SND1: variants seen among roughly 807,000 people sequenced by gnomAD.
The protein encoded by SND1 is staphylococcal nuclease and tudor domain containing 1.
A neutral mutation model predicts 121.7 loss-of-function variants in SND1; 38 were observed. The ratio of observed to expected loss-of-function variants is 0.31; its 90% CI spans 0.24 to 0.41. The LOEUF (loss-of-function observed/expected upper bound fraction) is 0.41. Ranked by LOEUF, SND1 falls within the 10% of genes least tolerant of loss-of-function variation. SND1 has a pLI of 1.00. For synonymous variants in SND1, 401 were observed against 447.4 expected (o/e 0.90, Z 1.31); for missense variants, 868 against 1,184.6 (o/e 0.73, Z 3.92).
intron 12 of SND1, among the ~76,000 whole-genome samples, chr7:127,872,634 A>G (rs1455019547): frequency 9.6e-4 from 103 of 107,736 alleles, no homozygotes; most frequent in East Asian, 3.8e-3. Context: ...ACACGCACAC[A>G]CACACACACA....
intron 10 of SND1, among the ~76,000 whole-genome samples, chr7:127,730,877 T>C (rs1328788707): frequency 2.6e-5 from 4 of 152,266 alleles, no homozygotes; most frequent in African/African-American, 9.6e-5. Context: ...ATTCTACCAC[T>C]CTGCCTTTCC....
At chr7:127,864,370 C>T (rs1799430896) in intron 12 of SND1, among the ~76,000 whole-genome samples, 1 of 152,008 alleles carries the variant, frequency 6.6e-6, no homozygotes, top group Non-Finnish European at 1.5e-5. Flanking sequence ...GGGGGTAGAA[C>T]AGTTCACCAC....
chr7:127,851,512 CAT>C (rs1799164643), intron 12 of SND1, among the ~76,000 whole-genome samples: 1 of 152,176 alleles, frequency 6.6e-6, no homozygotes, highest in Admixed American at 6.5e-5. Context: ...GCCAATCATG[CAT>C]ATTGACTTAT....
In SND1 at chr7:128,059,675, AGT is replaced by A. The variant is rs2117032408; in HGVS notation, c.1780-14824_1780-14823del. Among the ~76,000 whole-genome samples, 3 of 152,318 alleles carry A rather than the reference AGT, an allele frequency of 2.0e-5. No individual in the cohort carries two copies. In the South Asian group the frequency reaches 6.2e-4, roughly 32 times the overall value. On this transcript the variant is annotated intron_variant, in intron 16 of 23. Coordinates refer to ENST00000354725, the MANE Select transcript of SND1 (RefSeq NM_014390.4). ...CTGAACCACAAGCATCCTTCCTTGC[AGT>A]GTACATTGTACTGTGGTACAGGTTT... is the stretch of plus-strand genomic sequence containing the variant.
intron 14 of SND1, among the ~76,000 whole-genome samples, chr7:127,913,565 A>G (rs1380470204): frequency 6.6e-6 from 1 of 152,128 alleles, no homozygotes; most frequent in Non-Finnish European, 1.5e-5. Context: ...CTCTGGGTGT[A>G]TGTAGATAAC....
intron 16 of SND1, among the ~76,000 whole-genome samples, chr7:128,016,292 T>C (rs1803223231): frequency 6.6e-6 from 1 of 152,124 alleles, no homozygotes; most frequent in Admixed American, 6.5e-5. Context: ...AAACCTTTTT[T>C]TTCAATTGAG....
intron 11 of SND1, among the ~76,000 whole-genome samples, chr7:127,808,163 C>CTTTTT (rs11418632): frequency 8.0e-6 from 1 of 125,576 alleles, no homozygotes; most frequent in African/African-American, 3.0e-5. Flanking sequence ...TTGATGGCTT[C>CTTTTT]TTTTTTTTTT....
At chr7:127,932,890 T>A (rs1800982797) in intron 15 of SND1, among the ~76,000 whole-genome samples, 1 of 152,228 alleles carries the variant, frequency 6.6e-6, no homozygotes, top group Admixed American at 6.5e-5. Flanking sequence ...TGTGACTTGC[T>A]GTATTGCAAT....
intron 16 of SND1, among the ~76,000 whole-genome samples, chr7:128,038,494 A>T (rs548653709): frequency 3.3e-5 from 5 of 152,246 alleles, no homozygotes; most frequent in Non-Finnish European, 5.9e-5. Flanking sequence ...GCAAATAGTA[A>T]TGGTCGTAGC....
chr7:127,878,963 A>T (rs1188124142), intron 12 of SND1, among the ~76,000 whole-genome samples: 1 of 151,958 alleles, frequency 6.6e-6, no homozygotes, highest in African/African-American at 2.4e-5. Flanking sequence ...GGGGACAAAA[A>T]TATCGATGAT....
At chr7:128,041,507 T>G (rs1792854442) in intron 16 of SND1, among the ~76,000 whole-genome samples, 1 of 152,216 alleles carries the variant, frequency 6.6e-6, no homozygotes, top group Admixed American at 6.5e-5. Context: ...CTCCACGTTT[T>G]TAGAGGCAAC....
chr7:127,928,816 C>T (rs534383299), intron 14 of SND1, among the ~76,000 whole-genome samples: 1 of 152,188 alleles, frequency 6.6e-6, no homozygotes, highest in Admixed American at 6.5e-5. Flanking sequence ...GTTTCAAACC[C>T]CTGACCTCAG....
chr7:127,758,979 A>G (rs1797248423), intron 10 of SND1, among the ~76,000 whole-genome samples: 1 of 152,132 alleles, frequency 6.6e-6, no homozygotes, highest in Non-Finnish European at 1.5e-5. Flanking sequence ...GCTTGAGCCC[A>G]GAAGGTTGAG....
chr7:127,796,062 T>C (rs975720391), intron 10 of SND1, among the ~76,000 whole-genome samples: 2 of 151,986 alleles, frequency 1.3e-5, no homozygotes, highest in East Asian at 3.9e-4. Flanking sequence ...TTTCACCATG[T>C]TAGCCAGGAT....
At chr7:127,674,425 T>C (rs567443326) in intron 1 of SND1, among the ~76,000 whole-genome samples, 1 of 152,356 alleles carries the variant, frequency 6.6e-6, no homozygotes, top group African/African-American at 2.4e-5. Flanking sequence ...GTAACTCTCC[T>C]CTGAGAAACC....
intron 22 of SND1, among the ~76,000 whole-genome samples, chr7:128,091,227 T>TGTTTG (rs1370223456): frequency 6.6e-6 from 1 of 152,124 alleles, no homozygotes; most frequent in Non-Finnish European, 1.5e-5. Flanking sequence ...GTATTGCTCT[T>TGTTTG]GTTTGGTTTG....
intron 14 of SND1, among the ~76,000 whole-genome samples, chr7:127,907,074 AG>A (rs1800356016): frequency 6.6e-6 from 1 of 152,232 alleles, no homozygotes; most frequent in Non-Finnish European, 1.5e-5. Flanking sequence ...CATAAATAAA[AG>A]AGTAAAGCTT....
rs190934506 is a variant in SND1 at position 128,013,075 on chromosome 7, T to C, written c.1779+22019T>C. ...TTCCTCACACAGTCAGAGTCAGCGT[T>C]GGTCCCACACTGTCCAGTGCTACAT... is the stretch of plus-strand genomic sequence containing the variant. On this transcript the variant is annotated intron_variant, in intron 16 of 23. Coordinates refer to ENST00000354725, the MANE Select transcript of SND1 (RefSeq NM_014390.4). Among the ~76,000 whole-genome samples, 4 of 152,250 alleles carry C rather than the reference T, an allele frequency of 2.6e-5. No homozygotes were observed. The East Asian group carries it at 7.7e-4, about 29-fold the overall frequency.
At chr7:127,855,058 C>T (rs563874998) in intron 12 of SND1, among the ~76,000 whole-genome samples, 2 of 149,056 alleles carry the variant, frequency 1.3e-5, no homozygotes, top group East Asian at 3.9e-4. Flanking sequence ...AGCAGAAAAA[C>T]TTGGACCACT....
Sources: gnomAD v4.1 joint callset for allele counts (sites outside exome capture counted in the v4.1 genomes callset) on GRCh38, gnomAD v4.1.1 for gene constraint, MANE v1.5 for transcripts, NCBI Gene and HGNC (gene_info 2026-07-23, HGNC 2026-07-21) for gene names.